The following FANK1 variants were observed in gnomAD, a reference collection of about 807,000 sequenced individuals.
FANK1 encodes the protein fibronectin type 3 and ankyrin repeat domains protein 1.
FANK1 carries 44 observed loss-of-function variants against 45.3 expected under a neutral mutation model. The ratio of observed to expected loss-of-function variants is 0.97; its 90% CI spans 0.76 to 1.25. The LOEUF (loss-of-function observed/expected upper bound fraction) is 1.25. Among genes scored for constraint, FANK1 ranks in the 50% most tolerant of loss-of-function variants. FANK1 has a pLI of 0.00. For synonymous variants in FANK1, 149 were observed against 152.5 expected, an observed-to-expected ratio of 0.98 and a Z score of 0.17; for missense variants, 391 against 424.4, an observed-to-expected ratio of 0.92 and a Z score of 0.69.
At chr10:125,989,197 C>T (rs1354229943) in intron 3 of FANK1, 5 of 1,293,482 alleles carry the variant, frequency 3.9e-6, no homozygotes, top group Non-Finnish European at 1.1e-6. Flanking sequence ...ATGGAGACCT[C>T]TGAGCCCTTC....
intron 1 of FANK1, among the ~76,000 whole-genome samples, chr10:125,963,010 A>C (rs1391053098): frequency 7.0e-6 from 1 of 143,540 alleles, no homozygotes; most frequent in African/African-American, 2.6e-5. Flanking sequence ...TTTCAGATGG[A>C]GTCTCGCTCT....
At chr10:126,001,879 T>C (rs1952784304) in intron 6 of FANK1, among the ~76,000 whole-genome samples, 1 of 152,132 alleles carries the variant, frequency 6.6e-6, no homozygotes, top group Admixed American at 6.5e-5. Flanking sequence ...TAAACAATCC[T>C]CCTCACCACC....
chr10:125,969,279 TTAAAA>T (rs943829493), intron 1 of FANK1, among the ~76,000 whole-genome samples: 30 of 152,008 alleles, frequency 2.0e-4, no homozygotes, highest in Non-Finnish European at 3.4e-4. Context: ...TTTAGAAAAG[TTAAAA>T]TAAAATTAAA....
chr10:125,930,489 G>A (rs1052003163), intron 1 of FANK1, among the ~76,000 whole-genome samples: 2 of 150,166 alleles, frequency 1.3e-5, no homozygotes, highest in African/African-American at 2.4e-5. Context: ...GGCACAACAT[G>A]CCACACTCAA....
intron 1 of FANK1, among the ~76,000 whole-genome samples, chr10:125,898,629 A>T (rs1944774581): frequency 6.6e-6 from 1 of 152,014 alleles, no homozygotes; most frequent in South Asian, 2.1e-4. Flanking sequence ...GAGGAGGAGG[A>T]AAAAACAGGG....
chr10:126,009,521 TG>T lies in FANK1; in HGVS notation c.*89del, dbSNP rs1953510812. ...ACTAGGGATGGGAAATTCTGCATCT[TG>T]GGGGGCTGTACATTTATTTATTTAG... On this transcript the variant is annotated 3_prime_UTR_variant, in exon 11 of 11. Transcript: ENST00000368693. 1.4e-6 allele frequency: 2 copies of T among 1,414,514 alleles called. No individual in the cohort carries two copies. The highest frequency in any genetic ancestry group is 1.9e-5 in the Admixed American group (1 of 53,500). The allele number at this position is 1,414,514 out of a possible 1,614,324, so 87.6% of individuals were successfully genotyped here.
chr10:125,939,531 T>G (rs1948312585), intron 1 of FANK1, among the ~76,000 whole-genome samples: 1 of 152,210 alleles, frequency 6.6e-6, no homozygotes, highest in East Asian at 1.9e-4. Context: ...GCAATATTCT[T>G]TTATCTTTCT....
chr10:125,938,775 C>T (rs1389910766), intron 1 of FANK1, among the ~76,000 whole-genome samples: 1 of 152,130 alleles, frequency 6.6e-6, no homozygotes, highest in African/African-American at 2.4e-5. Flanking sequence ...CACCACTGCA[C>T]TCCAGTCTGG....
chr10:125,988,718 T>C (rs762055601), intron 3 of FANK1, 43 bp downstream of exon 3: 1 of 1,614,146 alleles, frequency 6.2e-7, no homozygotes. Context: ...TCTAGATCAA[T>C]GGAGATGACA....
chr10:125,923,231 G>T lies in FANK1; in HGVS notation c.13+26576G>T, dbSNP rs546616765. Among the ~76,000 whole-genome samples the T allele has an allele frequency of 1.3e-3, 199 of 151,874 alleles. 1 individual carries two copies. Among genetic ancestry groups the T allele is most frequent in the African/African-American group, 4.6e-3 (191 of 41,430 alleles). The stretch of plus-strand genomic sequence containing the variant: ...CCCAGCACTTTGGGAGGCTCAGGTG[G>T]GAGGACCACTTGACTACAGTAGTTC... On this transcript the variant is annotated intron_variant, in intron 1 of 10. Coordinates refer to ENST00000368693, the MANE Select transcript of FANK1 (RefSeq NM_145235.5).
chr10:125,923,775 A>T (rs574846995), intron 1 of FANK1, among the ~76,000 whole-genome samples: 3 of 151,788 alleles, frequency 2.0e-5, no homozygotes, highest in Non-Finnish European at 4.4e-5. Context: ...CATTCCTCCC[A>T]CTTCGGTCTC....
At chr10:125,950,857 T>C (rs1175646513) in intron 1 of FANK1, among the ~76,000 whole-genome samples, 1 of 148,574 alleles carries the variant, frequency 6.7e-6, no homozygotes, top group Admixed American at 6.7e-5. Flanking sequence ...TGTCCAACAA[T>C]GATAGACTGG....
At chr10:125,995,554 A>T in intron 4 of FANK1, 56 bp downstream of exon 4, 1 of 1,478,722 alleles carries the variant, frequency 6.8e-7, no homozygotes, top group Non-Finnish European at 9.5e-7. Context: ...GTGCATAGAA[A>T]TACATGCAGT....
At chr10:126,008,303 A>G (rs1953387721) in intron 7 of FANK1, 104 bp from the exon 8 acceptor site, 2 of 1,420,448 alleles carry the variant, frequency 1.4e-6, no homozygotes, top group Non-Finnish European at 9.4e-7. Context: ...AAAGACGGCT[A>G]TCTAAGTCCG....
intron 1 of FANK1, among the ~76,000 whole-genome samples, chr10:125,906,033 C>T (rs1945478972): frequency 6.6e-6 from 1 of 152,312 alleles, no homozygotes; most frequent in African/African-American, 2.4e-5. Flanking sequence ...TGGGTTTCCA[C>T]CCCTTTGATG....
chr10:125,975,168 A>G (rs1950779773), intron 1 of FANK1, among the ~76,000 whole-genome samples: 1 of 152,134 alleles, frequency 6.6e-6, no homozygotes, highest in Non-Finnish European at 1.5e-5. Flanking sequence ...CCCGCACAAG[A>G]CCTGATCTCT....
At chr10:125,962,041 T>C (rs1233033111) in intron 1 of FANK1, among the ~76,000 whole-genome samples, 1 of 152,118 alleles carries the variant, frequency 6.6e-6, no homozygotes, top group African/African-American at 2.4e-5. Flanking sequence ...ATAAACACAG[T>C]GAAAGGGCAA....
intron 1 of FANK1, among the ~76,000 whole-genome samples, chr10:125,912,197 C>A (rs1946068663): frequency 6.6e-6 from 1 of 152,172 alleles, no homozygotes; most frequent in Non-Finnish European, 1.5e-5. Flanking sequence ...CAACAATACC[C>A]AGGCTCTTGG....
At chr10:125,993,760 G>T (rs1043616474) in intron 3 of FANK1, among the ~76,000 whole-genome samples, 1 of 152,152 alleles carries the variant, frequency 6.6e-6, no homozygotes, top group Non-Finnish European at 1.5e-5. Context: ...TCTAAAAAAT[G>T]TGTAGAATGA....
Sources: gnomAD v4.1 joint callset for allele counts (sites outside exome capture counted in the v4.1 genomes callset) on GRCh38, gnomAD v4.1.1 for gene constraint, MANE v1.5 for transcripts, NCBI Gene and HGNC (gene_info 2026-07-23, HGNC 2026-07-21) for gene names.